The following ANKRD44 variants were observed in gnomAD, a reference collection of about 807,000 sequenced individuals.
ANKRD44 encodes the protein serine/threonine-protein phosphatase 6 regulatory ankyrin repeat subunit B.
A neutral mutation model predicts 116.0 loss-of-function variants in ANKRD44; 35 were observed. The ratio of observed to expected loss-of-function variants is 0.30; its 90% confidence interval spans 0.23 to 0.40. The LOEUF (loss-of-function observed/expected upper bound fraction) is 0.40, where lower values mean the gene tolerates loss of function less well. Ranked by LOEUF, ANKRD44 falls within the 10% of genes least tolerant of loss-of-function variation. ANKRD44 has a pLI of 1.00. For synonymous variants in ANKRD44, 435 were observed against 461.8 expected (o/e 0.94, Z 0.74); for missense variants, 1,014 against 1,242.6 (o/e 0.82, Z 2.77).
chr2:197,072,283 A>G (rs1156987928), intron 16 of ANKRD44, among the ~76,000 whole-genome samples: 1 of 152,186 alleles, frequency 6.6e-6, no homozygotes, highest in Non-Finnish European at 1.5e-5. Flanking sequence ...TGAACCTCTT[A>G]GTGCTCCCTA....
At chr2:197,096,729 A>T (rs538672802) in intron 10 of ANKRD44, among the ~76,000 whole-genome samples, 1 of 152,222 alleles carries the variant, frequency 6.6e-6, no homozygotes, top group East Asian at 1.9e-4. Flanking sequence ...TGAAAGGCCT[A>T]TTTTTCTCCT....
At chr2:197,166,770 GA>G (rs1352823892) in intron 2 of ANKRD44, among the ~76,000 whole-genome samples, 6 of 152,182 alleles carry the variant, frequency 3.9e-5, no homozygotes, top group Non-Finnish European at 7.3e-5. Context: ...GCCACACTTG[GA>G]ACCAGGCACT....
At chr2:196,977,396 G>A (rs941618814) in intron 21 of ANKRD44, among the ~76,000 whole-genome samples, 7 of 151,590 alleles carry the variant, frequency 4.6e-5, no homozygotes, top group Non-Finnish European at 8.8e-5. Flanking sequence ...GGATACTGTC[G>A]AGAAAAGGAA....
intron 7 of ANKRD44, 95 bp downstream of exon 7, chr2:197,122,555 G>C (rs1003014349): frequency 6.8e-7 from 1 of 1,463,158 alleles, no homozygotes; most frequent in African/African-American, 1.4e-5. Context: ...CAATTCCCCT[G>C]CCCTTGAATT....
chr2:197,247,210 T>C (rs538541963), intron 1 of ANKRD44, among the ~76,000 whole-genome samples: 1 of 152,312 alleles, frequency 6.6e-6, no homozygotes, highest in Non-Finnish European at 1.5e-5. Context: ...TCTCTGAACA[T>C]GACGCCAGGC....
At chr2:197,209,273 T>C (rs1044545624) in intron 1 of ANKRD44, among the ~76,000 whole-genome samples, 4 of 152,220 alleles carry the variant, frequency 2.6e-5, no homozygotes, top group African/African-American at 7.2e-5. Flanking sequence ...ATAAAATCTA[T>C]AGATAATCAT....
At chr2:197,183,099 C>T (rs1168141134) in intron 2 of ANKRD44, among the ~76,000 whole-genome samples, 1 of 151,988 alleles carries the variant, frequency 6.6e-6, no homozygotes, top group Admixed American at 6.5e-5. Context: ...GTTAGTGGGG[C>T]ACAGAGTTTA....
At chr2:197,132,831 T>C (rs2079124504) in intron 4 of ANKRD44, among the ~76,000 whole-genome samples, 1 of 152,172 alleles carries the variant, frequency 6.6e-6, no homozygotes, top group Admixed American at 6.5e-5. Flanking sequence ...CTAGGCAAGA[T>C]GCTAGAAATA....
Position 197,001,851 on chromosome 2 carries a change from TAAA to T in ANKRD44, c.2348-14_2348-12del. The T allele has an allele frequency of 6.3e-7, 1 of 1,597,056 alleles. No individual in the cohort carries two copies. The highest frequency in any genetic ancestry group is 8.6e-7 in the Non-Finnish European group (1 of 1,169,060). Reference sequence around the variant, plus strand: ...TACAGTTTTCATTACCTGCAAGAAATAAAAATAATTTAGGGAGTTTCCAAGAAA... The same window carrying T: ...TACAGTTTTCATTACCTGCAAGAAATAATAATTTAGGGAGTTTCCAAGAAA... On this transcript the variant is annotated splice_polypyrimidine_tract_variant and intron_variant, in intron 21 of 27. Transcript: ENST00000282272.
intron 1 of ANKRD44, among the ~76,000 whole-genome samples, chr2:197,279,328 G>C (rs1444304208): frequency 1.3e-5 from 2 of 152,120 alleles, no homozygotes; most frequent in Non-Finnish European, 2.9e-5. Context: ...GCATCACGCA[G>C]TCCAGGCAGT....
intron 16 of ANKRD44, among the ~76,000 whole-genome samples, chr2:197,068,289 C>T (rs2077479289): frequency 7.5e-6 from 1 of 133,506 alleles, no homozygotes; most frequent in Non-Finnish European, 1.6e-5. Flanking sequence ...TGCAGCGCAC[C>T]AGCATGGCAC....
At chr2:197,132,655 G>A (rs2079120271) in intron 4 of ANKRD44, among the ~76,000 whole-genome samples, 1 of 152,060 alleles carries the variant, frequency 6.6e-6, no homozygotes, top group Non-Finnish European at 1.5e-5. Flanking sequence ...CCATAAACAT[G>A]CTTCAACTCT....
At chr2:197,191,797 C>T (rs1476099459) in intron 1 of ANKRD44, among the ~76,000 whole-genome samples, 2 of 152,156 alleles carry the variant, frequency 1.3e-5, no homozygotes, top group Admixed American at 6.6e-5. Flanking sequence ...ACACCATGCA[C>T]ATACTAAAAC....
chr2:197,271,826 T>G (rs926096754), intron 1 of ANKRD44, among the ~76,000 whole-genome samples: 5 of 152,180 alleles, frequency 3.3e-5, no homozygotes, highest in African/African-American at 9.7e-5. Context: ...GGTCATGAAC[T>G]CCTGGGCTCA....
At chr2:197,137,021 C>T (rs1456863659) in intron 3 of ANKRD44, among the ~76,000 whole-genome samples, 1 of 152,196 alleles carries the variant, frequency 6.6e-6, no homozygotes, top group East Asian at 1.9e-4. Context: ...AGTGCCCATG[C>T]TCAGCTCTAT....
At chr2:197,186,620 T>C (rs912673194) in intron 2 of ANKRD44, among the ~76,000 whole-genome samples, 137 of 79,640 alleles carry the variant, frequency 1.7e-3, no homozygotes, top group Non-Finnish European at 2.3e-3. Flanking sequence ...TTCTTTTTTT[T>C]TTTTTTTTTT....
chr2:197,269,335 G>A (rs12617121), intron 1 of ANKRD44, among the ~76,000 whole-genome samples: 50,011 of 152,056 alleles, frequency 0.33, 10,176 homozygotes, highest in East Asian at 0.63. Context: ...TCCACTAAGA[G>A]AAGCACTCTA....
chr2:197,012,338 T>C (rs1416966339), intron 18 of ANKRD44, among the ~76,000 whole-genome samples: 1 of 152,132 alleles, frequency 6.6e-6, no homozygotes, highest in Non-Finnish European at 1.5e-5. Flanking sequence ...ACAATCAAAG[T>C]AGGCCCTTTG....
In ANKRD44 at chr2:196,989,087, T is replaced by G. The variant is rs2075873733; in HGVS notation, c.*504A>C. ...AAACCTTAGCAGTGGAAATGCTAGGTTTGGCCCTTGGGCTTTTGGCTAGCC... is the reference window on the plus strand; with the variant it reads ...AAACCTTAGCAGTGGAAATGCTAGGGTTGGCCCTTGGGCTTTTGGCTAGCC... On this transcript the variant is annotated 3_prime_UTR_variant, in exon 28 of 28. Coordinates refer to ENST00000282272, the MANE Select transcript of ANKRD44 (RefSeq NM_001195144.2). The G allele has an allele frequency of 1.0e-6, 1 of 985,186 alleles. No homozygotes were observed. The highest frequency in any genetic ancestry group is 1.2e-6 in the Non-Finnish European group (1 of 829,986). The allele number at this position is 985,186 out of a possible 1,614,324, so 61.0% of individuals were successfully genotyped here.
Sources: allele counts gnomAD v4.1 joint callset (sites outside exome capture counted in the v4.1 genomes callset), GRCh38; gene constraint gnomAD v4.1.1; transcripts MANE v1.5; gene names NCBI Gene and HGNC (gene_info 2026-07-23, HGNC 2026-07-21).